Variants in RALYL observed in about 807,000 individuals in gnomAD.
RALYL encodes the protein RALY RNA binding protein like, also known as RNA-binding Raly-like protein.
Under a neutral mutation model 35.1 loss-of-function variants are expected in RALYL, and 29 were observed. The ratio of observed to expected loss-of-function variants is 0.83; its 90% confidence interval spans 0.61 to 1.13. The LOEUF is 1.13. Ranked by LOEUF, RALYL falls within the 50% of genes most tolerant of loss-of-function variation. The probability of loss-of-function intolerance (pLI) is 0.00; values close to 1 mark genes in which losing one functional copy is unlikely to be tolerated. For synonymous variants in RALYL, 120 were observed against 127.6 expected, an observed-to-expected ratio of 0.94 and a Z score of 0.40; for missense variants, 359 against 360.4, an observed-to-expected ratio of 1.00 and a Z score of 0.03.
intron 6 of RALYL, among the ~76,000 whole-genome samples, chr8:84,863,712 G>A (rs1838580151): frequency 6.6e-6 from 1 of 152,162 alleles, no homozygotes; most frequent in Admixed American, 6.6e-5. Flanking sequence ...AGTTCAAAAT[G>A]CAGGAAGGTA....
chr8:84,372,837 C>T (rs1014995524), intron 1 of RALYL, among the ~76,000 whole-genome samples: 1 of 146,570 alleles, frequency 6.8e-6, no homozygotes, highest in Non-Finnish European at 1.5e-5. Flanking sequence ...TACACTCCCA[C>T]CAACAGTGTG....
chr8:84,477,720 G>A lies in RALYL; in HGVS notation c.-23-51579G>A, dbSNP rs1034574227. ...GAATTTTAGTGAAAAGAATTAAAGC[G>A]TCACAGAAAGTAATTTTTACCATTT... is the stretch of plus-strand genomic sequence containing the variant. On this transcript the variant is annotated intron_variant, in intron 1 of 8. Coordinates refer to ENST00000521268, the MANE Select transcript of RALYL (RefSeq NM_173848.7). Among the ~76,000 whole-genome samples, 4 of 139,184 alleles carry A rather than the reference G, an allele frequency of 2.9e-5. No homozygotes were observed. In the East Asian group the frequency reaches 6.4e-4, roughly 22 times the overall value. 91.3% of individuals were successfully genotyped at this position (139,184 alleles called of 152,430 possible). A position where few individuals can be genotyped will look rare whatever the true frequency, so the allele number is the denominator to read the frequency against.
intron 1 of RALYL, among the ~76,000 whole-genome samples, chr8:84,486,671 A>C (rs1176942585): frequency 1.3e-5 from 2 of 152,092 alleles, no homozygotes; most frequent in Non-Finnish European, 2.9e-5. Context: ...ATGTATAAAA[A>C]TCCCACTTCA....
chr8:84,442,149 C>G (rs966231072), intron 1 of RALYL, among the ~76,000 whole-genome samples: 7 of 152,020 alleles, frequency 4.6e-5, no homozygotes, highest in African/African-American at 1.4e-4. Context: ...TGTTACTCTC[C>G]TATGTGGTTT....
rs554918387 is a variant in RALYL at position 84,887,886 on chromosome 8, T to C, written c.858+110T>C. On this transcript the variant is annotated intron_variant, in intron 8 of 8. Coordinates refer to ENST00000521268, the MANE Select transcript of RALYL (RefSeq NM_173848.7). The stretch of plus-strand genomic sequence containing the variant: ...AATCATTTGGGGCTTATTTCTCTTA[T>C]ATGCATATATTTAAGGGAACATGAG... 1.1e-5 allele frequency: 10 copies of C among 952,036 alleles called. No individual in the cohort carries two copies. In the South Asian group the frequency reaches 1.5e-4, roughly 14 times the overall value. The allele number at this position is 952,036 out of a possible 1,614,324, so 59.0% of individuals were successfully genotyped here. A position where few individuals can be genotyped will look rare whatever the true frequency, so the allele number is the denominator to read the frequency against.
chr8:84,271,987 A>G (rs1834392734), intron 1 of RALYL, among the ~76,000 whole-genome samples: 1 of 152,214 alleles, frequency 6.6e-6, no homozygotes, highest in South Asian at 2.1e-4. Flanking sequence ...TTACCTTAGT[A>G]GAGCTTTAAA....
chr8:84,273,965 G>C (rs1357096727), intron 1 of RALYL, among the ~76,000 whole-genome samples: 1 of 152,244 alleles, frequency 6.6e-6, no homozygotes, highest in East Asian at 1.9e-4. Flanking sequence ...TGTATTTTAT[G>C]CCTCGCTTGT....
At chr8:84,184,758 T>A in intron 1 of RALYL, 2 of 381,330 alleles carry the variant, frequency 5.2e-6, no homozygotes, top group East Asian at 4.3e-5. Context: ...CGGCGGGCCC[T>A]GTAAGTTCTC....
chr8:84,916,525 G>C (rs117614731), intron 8 of RALYL, among the ~76,000 whole-genome samples: 317 of 151,994 alleles, frequency 2.1e-3, no homozygotes, highest in Non-Finnish European at 3.5e-3. Context: ...GGTGCTATAG[G>C]GGGGAGTTTC....
At chr8:84,787,288 A>T (rs567018382) in intron 3 of RALYL, among the ~76,000 whole-genome samples, 6 of 151,454 alleles carry the variant, frequency 4.0e-5, no homozygotes, top group Non-Finnish European at 8.8e-5. Flanking sequence ...TGTTAGTTTG[A>T]TGAGAATGAT....
At chr8:84,497,744 C>G (rs1346128856) in intron 1 of RALYL, among the ~76,000 whole-genome samples, 1 of 148,816 alleles carries the variant, frequency 6.7e-6, no homozygotes, top group Non-Finnish European at 1.5e-5. Context: ...TGGGTTCAAG[C>G]GATTCTACTG....
intron 3 of RALYL, 140 bp downstream of exon 3, chr8:84,774,794 A>G: frequency 4.7e-6 from 3 of 639,196 alleles, no homozygotes; most frequent in Non-Finnish European, 8.2e-6. Context: ...TTGTTGGTCA[A>G]CATATAAATA....
At chr8:84,346,555 G>A (rs933731205) in intron 1 of RALYL, among the ~76,000 whole-genome samples, 5 of 151,952 alleles carry the variant, frequency 3.3e-5, no homozygotes, top group African/African-American at 9.7e-5. Flanking sequence ...TGCAACCTTC[G>A]CCTCCTGGGT....
chr8:84,317,635 C>T, intron 1 of RALYL, among the ~76,000 whole-genome samples: 1 of 152,104 alleles, frequency 6.6e-6, no homozygotes, highest in East Asian at 1.9e-4. Flanking sequence ...AAGCACATGG[C>T]CCTGTAAAAA....
At chr8:84,837,218 A>G (rs549264898) in intron 4 of RALYL, among the ~76,000 whole-genome samples, 3 of 152,330 alleles carry the variant, frequency 2.0e-5, no homozygotes, top group East Asian at 3.9e-4. Context: ...ACTTAGATTG[A>G]AATTCCTTGA....
chr8:84,321,005 T>C (rs1331112542), intron 1 of RALYL, among the ~76,000 whole-genome samples: 1 of 152,126 alleles, frequency 6.6e-6, no homozygotes, highest in Non-Finnish European at 1.5e-5. Context: ...TTGCAAAATA[T>C]CTAAATTTTC....
At chr8:84,422,011 T>G (rs1385572266) in intron 1 of RALYL, among the ~76,000 whole-genome samples, 3 of 152,174 alleles carry the variant, frequency 2.0e-5, no homozygotes, top group Non-Finnish European at 2.9e-5. Flanking sequence ...AAAATTCTCT[T>G]TTTTGGTTGT....
chr8:84,431,286 T>C (rs1156806630), intron 1 of RALYL, among the ~76,000 whole-genome samples: 3 of 152,098 alleles, frequency 2.0e-5, no homozygotes, highest in Admixed American at 2.0e-4. Flanking sequence ...CCAGGCATTT[T>C]GACTCCACAA....
chr8:84,220,363 G>T (rs549650838), intron 1 of RALYL, among the ~76,000 whole-genome samples: 1 of 151,972 alleles, frequency 6.6e-6, no homozygotes, highest in East Asian at 1.9e-4. Flanking sequence ...TGAATTAAAG[G>T]CCAGTCCTTA....
Sources: allele counts gnomAD v4.1 joint callset (sites outside exome capture counted in the v4.1 genomes callset), GRCh38; gene constraint gnomAD v4.1.1; transcripts MANE v1.5; gene names NCBI Gene and HGNC (gene_info 2026-07-23, HGNC 2026-07-21).